The following RNF214 variants were observed in gnomAD, a reference collection of about 807,000 sequenced individuals.
RNF214 encodes the protein ring finger protein 214.
A neutral mutation model predicts 75.9 loss-of-function variants in RNF214; 25 were observed. That is an observed-to-expected ratio of 0.33 (90% CI 0.24 to 0.46). RNF214 has a LOEUF of 0.46. Among genes scored for constraint, RNF214 ranks in the 20% least tolerant of loss-of-function variants. RNF214 has a pLI of 1.00. For synonymous variants in RNF214, 314 were observed against 308.8 expected (o/e 1.02, Z -0.18); for missense variants, 725 against 857.5 (o/e 0.85, Z 1.93).
Position 117,286,099 on chromosome 11 carries a change from TGAG to T in RNF214, c.*952_*954del, listed in dbSNP as rs1363408809. The stretch of plus-strand genomic sequence containing the variant: ...GGTGAGCTCCAGACAGGCACTGGGG[TGAG>T]GAGATGTCTGTGCAAAATTACTTGT... On this transcript the variant is annotated 3_prime_UTR_variant, in exon 15 of 15. Transcript: ENST00000300650. 6.6e-6 allele frequency: 1 copy of T among 152,510 alleles called. No individual in the cohort carries two copies. The allele number at this position is 152,510 out of a possible 1,614,324, so 9.4% of individuals were successfully genotyped here. A position where few individuals can be genotyped will look rare whatever the true frequency, so the allele number is the denominator to read the frequency against.
intron 8 of RNF214, among the ~76,000 whole-genome samples, chr11:117,280,688 C>T (rs2034109512): frequency 6.6e-6 from 1 of 152,088 alleles, no homozygotes; most frequent in South Asian, 2.1e-4. Flanking sequence ...AAAAAATAAC[C>T]AGCATCTGTT....
intron 6 of RNF214, 70 bp from the exon 7 acceptor site, chr11:117,279,838 T>G: frequency 8.2e-7 from 1 of 1,218,228 alleles, no homozygotes; most frequent in Non-Finnish European, 1.2e-6. Flanking sequence ...TGGGTTGTAC[T>G]TTTGCCCTGG....
intron 6 of RNF214, among the ~76,000 whole-genome samples, chr11:117,247,436 A>AGT (rs1213748841): frequency 1.3e-5 from 2 of 152,210 alleles, no homozygotes; most frequent in Non-Finnish European, 2.9e-5. Flanking sequence ...TCCAGGCTGC[A>AGT]GTCAGCTGTG....
intron 6 of RNF214, among the ~76,000 whole-genome samples, chr11:117,253,070 T>C (rs1397366812): frequency 2.0e-5 from 3 of 152,134 alleles, no homozygotes; most frequent in African/African-American, 7.2e-5. Context: ...TAGAGTGTAG[T>C]GGTACAGTCA....
intron 4 of RNF214, among the ~76,000 whole-genome samples, chr11:117,244,124 G>A (rs1427147117): frequency 6.6e-6 from 1 of 152,128 alleles, no homozygotes; most frequent in African/African-American, 2.4e-5. Flanking sequence ...TGGGACTACA[G>A]TGGAGTACTG....
intron 2 of RNF214, among the ~76,000 whole-genome samples, chr11:117,237,143 G>A (rs1165901043): frequency 6.6e-6 from 1 of 152,164 alleles, no homozygotes; most frequent in African/African-American, 2.4e-5. Flanking sequence ...ACAGTGGTGC[G>A]ATCATGGCCT....
rs574190172 is a variant in RNF214, at chr11:117,240,128, G to T, written c.678+268G>T. Among the ~76,000 whole-genome samples, 51 of 152,052 alleles carry T rather than the reference G, an allele frequency of 3.4e-4. No homozygotes were observed. In the South Asian group the frequency reaches 3.5e-3, roughly 11 times the overall value. On this transcript the variant is annotated intron_variant, in intron 4 of 14. Transcript: ENST00000300650. ...AACATTTTGGGAAGCCGAAGTGGGT[G>T]GATCGCTTGAGCCCTGGAGTTTGAG...
chr11:117,234,356 C>A lies in RNF214; in HGVS notation c.84C>A (p.Asp28Glu). 6.2e-7 allele frequency: 1 copy of A among 1,613,690 alleles called. No individual in the cohort carries two copies. Among genetic ancestry groups the A allele is most frequent in the Non-Finnish European group, 8.5e-7 (1 of 1,179,576 alleles). ...ESSSLCASKSDEGLPDGLSTK... is the reference protein window; with the variant it reads ...ESSSLCASKSEEGLPDGLSTK... ...CTAGTTTATGTGCTTCCAAATCAGA[C>A]GAAGGTCTCCCAGATGGTCTAAGGT... Residue 28 changes from aspartate (D) to glutamate (E), a missense_variant, in exon 2 of 15, where the codon GAC (aspartate) becomes GAA (glutamate). Asp to Glu is a conservative substitution (Grantham distance 45). Around this residue, in one of 2 missense-constraint regions of RNF214, gnomAD observed 362 missense variants for 344.5 expected, o/e 1.05. Coordinates refer to ENST00000300650, the MANE Select transcript of RNF214 (RefSeq NM_207343.4).
rs1220367738 is a variant in RNF214, at chr11:117,250,277, T to A, written c.959+3329T>A. Among the ~76,000 whole-genome samples the A allele has an allele frequency of 2.6e-5, 4 of 152,338 alleles. No homozygotes were observed. In the East Asian group the frequency reaches 7.7e-4, roughly 29 times the overall value. On this transcript the variant is annotated intron_variant, in intron 6 of 14. Transcript: ENST00000300650. ...AAATGCATGATCCTTGGTTTGATCCTGAATTAAACAAAGTATAATTATAGG... is the reference window on the plus strand; with the variant it reads ...AAATGCATGATCCTTGGTTTGATCCAGAATTAAACAAAGTATAATTATAGG...
chr11:117,282,918 G>A, intron 13 of RNF214, 68 bp downstream of exon 13: 1 of 1,272,760 alleles, frequency 7.9e-7, no homozygotes, highest in Admixed American at 1.7e-5. Context: ...TGGGTTTACA[G>A]GTGGAGTGCA....
intron 1 of RNF214, among the ~76,000 whole-genome samples, chr11:117,233,565 T>C (rs1021815170): frequency 1.3e-5 from 2 of 152,248 alleles, no homozygotes; most frequent in African/African-American, 4.8e-5. Flanking sequence ...AGATGACCTT[T>C]TGATTTTTAA....
intron 6 of RNF214, among the ~76,000 whole-genome samples, chr11:117,248,572 C>G (rs1010554674): frequency 6.6e-6 from 1 of 152,268 alleles, no homozygotes; most frequent in East Asian, 1.9e-4. Flanking sequence ...AATTGTGAAG[C>G]TCAACATGAG....
At position 117,286,381 on chromosome 11, in the gene RNF214, A is replaced by G. The variant is rs1018716982; in HGVS notation, c.*1230A>G. 1 of 152,158 alleles carries G rather than the reference A, an allele frequency of 6.6e-6. No homozygotes were observed. The highest frequency in any genetic ancestry group is 1.5e-5 in the Non-Finnish European group (1 of 68,020). 9.4% of individuals were successfully genotyped at this position (152,158 alleles called of 1,614,324 possible). A position where few individuals can be genotyped will look rare whatever the true frequency, so the allele number is the denominator to read the frequency against. On this transcript the variant is annotated 3_prime_UTR_variant, in exon 15 of 15. Transcript: ENST00000300650. ...CTATTAGAGCTTTGAATCTTTTCCT[A>G]TCCTTTTATCTTTACTCCTACAGGG...
chr11:117,243,818 A>C (rs2033142666), intron 4 of RNF214, among the ~76,000 whole-genome samples: 1 of 152,126 alleles, frequency 6.6e-6, no homozygotes, highest in Non-Finnish European at 1.5e-5. Flanking sequence ...TGGCCCCTCA[A>C]AGCTGAGATT....
At chr11:117,238,225 A>G (rs1355109280) in intron 2 of RNF214, among the ~76,000 whole-genome samples, 1 of 152,190 alleles carries the variant, frequency 6.6e-6, no homozygotes, top group Non-Finnish European at 1.5e-5. Flanking sequence ...AGCCTGGGCA[A>G]CATGGCAAAA....
intron 6 of RNF214, among the ~76,000 whole-genome samples, chr11:117,270,241 CTTT>C (rs57144374): frequency 1.2e-4 from 9 of 75,872 alleles, no homozygotes; most frequent in East Asian, 1.1e-3. Context: ...CTTTTCTTTT[CTTT>C]TTTTTTTTTT....
rs781149858 is a variant in RNF214 at position 117,244,596 on chromosome 11, T to C, written c.819+11T>C. On this transcript the variant is annotated intron_variant, in intron 5 of 14. Coordinates refer to ENST00000300650, the MANE Select transcript of RNF214 (RefSeq NM_207343.4). ...ATGAAGAATCACCAGGTATTTTGCT[T>C]ATATTGAAATTGTCAATGAGTTAAG... 5.0e-6 allele frequency: 8 copies of C among 1,587,380 alleles called. No homozygotes were observed. The highest frequency in any genetic ancestry group is 6.0e-6 in the Non-Finnish European group (7 of 1,169,308).
At chr11:117,268,688 A>G (rs1426532407) in intron 6 of RNF214, among the ~76,000 whole-genome samples, 2 of 152,150 alleles carry the variant, frequency 1.3e-5, no homozygotes, top group African/African-American at 2.4e-5. Context: ...TTATTTTCAT[A>G]TACATTTTGA....
intron 2 of RNF214, among the ~76,000 whole-genome samples, chr11:117,237,279 C>A (rs2032935674): frequency 6.6e-6 from 1 of 152,150 alleles, no homozygotes; most frequent in South Asian, 2.1e-4. Context: ...GAGGGTCTTG[C>A]TATGTTTCCC....
Sources: gnomAD v4.1 joint callset for allele counts (sites outside exome capture counted in the v4.1 genomes callset) on GRCh38, gnomAD v4.1.1 for gene constraint, gnomAD v4.1.1 regional missense constraint, MANE v1.5 for transcripts, NCBI Gene and HGNC (gene_info 2026-07-23, HGNC 2026-07-21) for gene names.